Variants in NMNAT3 observed in about 807,000 individuals in gnomAD.
The protein encoded by NMNAT3 is nicotinamide/nicotinic acid mononucleotide adenylyltransferase 3.
A neutral mutation model predicts 24.8 loss-of-function variants in NMNAT3; 21 were observed. That is an observed-to-expected ratio of 0.85 (90% CI 0.60 to 1.22). The LOEUF (loss-of-function observed/expected upper bound fraction) is 1.22, where lower values mean the gene tolerates loss of function less well. Among genes scored for constraint, NMNAT3 ranks in the 50% most tolerant of loss-of-function variants. The pLI, the probability that NMNAT3 is intolerant of heterozygous loss-of-function variation, is 0.00. For synonymous variants in NMNAT3, 136 were observed against 155.2 expected, an observed-to-expected ratio of 0.88 and a Z score of 0.92; for missense variants, 387 against 436.6, an observed-to-expected ratio of 0.89 and a Z score of 1.01.
At chr3:139,567,271 G>C (rs1937387105) in intron 6 of NMNAT3, 1 of 151,560 alleles carries the variant, frequency 6.6e-6, no homozygotes, top group African/African-American at 2.4e-5. Flanking sequence ...TGAGACGATG[G>C]GGTTTTCTAG....
At chr3:139,569,908 AG>A (rs1937869966) in intron 6 of NMNAT3, 1 of 152,186 alleles carries the variant, frequency 6.6e-6, no homozygotes, top group Non-Finnish European at 1.5e-5. Flanking sequence ...AGACTGGGGA[AG>A]TTCTCCTGGA....
chr3:139,635,369 C>T (rs2056462379), intron 2 of NMNAT3: 1 of 152,162 alleles, frequency 6.6e-6, no homozygotes, highest in South Asian at 2.1e-4. Flanking sequence ...TGTCTAGCTC[C>T]AAGAAAACAA....
chr3:139,587,646 G>A (rs1449982109), intron 3 of NMNAT3, among the ~76,000 whole-genome samples: 1 of 152,190 alleles, frequency 6.6e-6, no homozygotes, highest in Non-Finnish European at 1.5e-5. Context: ...ATCCCTTGAA[G>A]TGACATATTT....
intron 3 of NMNAT3, among the ~76,000 whole-genome samples, chr3:139,613,410 A>T (rs2055325881): frequency 6.6e-6 from 1 of 152,276 alleles, no homozygotes. Context: ...GCCATCAGAG[A>T]AATGCAAATC....
intron 1 of NMNAT3, among the ~76,000 whole-genome samples, chr3:139,662,803 C>T (rs979282529): frequency 6.6e-6 from 1 of 152,182 alleles, no homozygotes. Context: ...TCTTCAGACA[C>T]CTGCCCATCA....
chr3:139,560,810 A>G lies in NMNAT3; in HGVS notation c.*200T>C, dbSNP rs1404541725. 4 of 579,350 alleles carry G rather than the reference A, an allele frequency of 6.9e-6. No homozygotes were observed. The highest frequency in any genetic ancestry group is 4.5e-4 in the Middle Eastern group (1 of 2,224). 35.9% of individuals were successfully genotyped at this position (579,350 alleles called of 1,614,324 possible). ...ATTTTAACTTCTTTGATAAATGTCT[A>G]TCCTTGTGATTTAGACCTTTCCTCT... On this transcript the variant is annotated 3_prime_UTR_variant, in exon 7 of 7. Coordinates refer to ENST00000643695, the MANE Select transcript of NMNAT3 (RefSeq NM_001320510.2).
chr3:139,606,416 A>G (rs2054946598), intron 3 of NMNAT3, among the ~76,000 whole-genome samples: 1 of 152,184 alleles, frequency 6.6e-6, no homozygotes, highest in Non-Finnish European at 1.5e-5. Flanking sequence ...AATACATCCT[A>G]CATCAGAGGG....
intron 2 of NMNAT3, chr3:139,636,341 A>G (rs1250029091): frequency 6.6e-6 from 1 of 152,190 alleles, no homozygotes; most frequent in African/African-American, 2.4e-5. Flanking sequence ...TAAGGAAAAA[A>G]AAAAACTACC....
chr3:139,566,253 T>C (rs1331050422), intron 6 of NMNAT3: 3 of 152,200 alleles, frequency 2.0e-5, no homozygotes, highest in African/African-American at 2.4e-5. Context: ...TTGTAGATTC[T>C]GGATATTAGC....
chr3:139,568,790 G>A (rs1937599795), intron 6 of NMNAT3: 1 of 152,154 alleles, frequency 6.6e-6, no homozygotes, highest in African/African-American at 2.4e-5. Flanking sequence ...AGTAGGTGTG[G>A]TGTGGTGCTG....
intron 1 of NMNAT3, among the ~76,000 whole-genome samples, chr3:139,642,301 CAA>C (rs2056732700): frequency 6.6e-6 from 1 of 152,214 alleles, no homozygotes; most frequent in Admixed American, 6.5e-5. Context: ...AGATATACCT[CAA>C]GAGGCCTCAG....
chr3:139,626,193 A>T (rs527978374), intron 3 of NMNAT3, among the ~76,000 whole-genome samples: 92 of 152,172 alleles, frequency 6.0e-4, no homozygotes, highest in African/African-American at 2.2e-3. Context: ...TATTTCTTCA[A>T]ATATTTTTTC....
chr3:139,618,470 G>A (rs558527320), intron 3 of NMNAT3, among the ~76,000 whole-genome samples: 2 of 150,458 alleles, frequency 1.3e-5, no homozygotes, highest in East Asian at 3.9e-4. Context: ...AGGAATGCTT[G>A]TGAAAGGGGA....
At chr3:139,574,995 C>T (rs1939081551) in intron 5 of NMNAT3, among the ~76,000 whole-genome samples, 1 of 152,072 alleles carries the variant, frequency 6.6e-6, no homozygotes, top group African/African-American at 2.4e-5. Context: ...CCCCAGAGAG[C>T]TGGTGTGAGG....
At chr3:139,615,725 CGTGT>C (rs10575622) in intron 3 of NMNAT3, among the ~76,000 whole-genome samples, 141,180 of 152,016 alleles carry the variant, frequency 0.93, 66,483 homozygotes, top group East Asian at 1. Flanking sequence ...AGAATGCTAG[CGTGT>C]GTATCAGGAA....
At chr3:139,667,641 G>T (rs901805256) in intron 1 of NMNAT3, among the ~76,000 whole-genome samples, 2 of 152,192 alleles carry the variant, frequency 1.3e-5, no homozygotes, top group African/African-American at 4.8e-5. Context: ...AGTGAGAACT[G>T]CCTGGTTGAG....
chr3:139,572,414 C>T (rs1938536320), intron 6 of NMNAT3, among the ~76,000 whole-genome samples: 1 of 152,112 alleles, frequency 6.6e-6, no homozygotes, highest in Admixed American at 6.6e-5. Flanking sequence ...TATTGTAACT[C>T]CTTCTTAGAT....
rs536789054 is a variant in NMNAT3, at chr3:139,566,182, A to T, written c.659-4790T>A. The T allele has an allele frequency of 1.7e-3, 265 of 152,200 alleles. 1 individual carries two copies. Among genetic ancestry groups the T allele is most frequent in the African/African-American group, 4.2e-3 (173 of 41,526 alleles). 9.4% of individuals were successfully genotyped at this position (152,200 alleles called of 1,614,324 possible). On this transcript the variant is annotated intron_variant, in intron 6 of 6. Transcript: ENST00000643695. ...CTTCTTTTGAGAAGTGTCTGTTCAT[A>T]TCCTTTGCCCACTTTCTGATGGAGT...
chr3:139,611,293 G>T (rs2108257300), intron 3 of NMNAT3, among the ~76,000 whole-genome samples: 1 of 152,314 alleles, frequency 6.6e-6, no homozygotes. Context: ...ACGAAGTGTT[G>T]AGTTGGGGCC....
Sources: gnomAD v4.1 joint callset for allele counts (sites outside exome capture counted in the v4.1 genomes callset) on GRCh38, gnomAD v4.1.1 for gene constraint, MANE v1.5 for transcripts, NCBI Gene and HGNC (gene_info 2026-07-23, HGNC 2026-07-21) for gene names.